The following WDFY1 variants were observed in gnomAD, a reference collection of about 807,000 sequenced individuals.
WDFY1 encodes the protein WD repeat and FYVE domain containing 1.
Under a neutral mutation model 56.4 loss-of-function variants are expected in WDFY1, and 32 were observed. The observed-to-expected ratio is 0.57, with a 90% CI of 0.43 to 0.76. The LOEUF is 0.76. WDFY1 is among the 30% of genes least tolerant of loss of function. The pLI is 0.00. For synonymous variants in WDFY1, 192 were observed against 197.3 expected (o/e 0.97, Z 0.23); for missense variants, 480 against 545.7 (o/e 0.88, Z 1.20).
chr2:223,881,018 G>T (rs949010088), intron 10 of WDFY1, among the ~76,000 whole-genome samples: 1 of 152,144 alleles, frequency 6.6e-6, no homozygotes, highest in Admixed American at 6.5e-5. Flanking sequence ...TTCCAATGTG[G>T]ACCTCTGCCA....
chr2:223,918,692 G>A (rs749946819), intron 1 of WDFY1, among the ~76,000 whole-genome samples: 3 of 152,056 alleles, frequency 2.0e-5, no homozygotes, highest in South Asian at 2.1e-4. Flanking sequence ...AAACAGAACT[G>A]TTAACTGCTT....
intron 3 of WDFY1, 51 bp downstream of exon 3, chr2:223,912,202 T>A (rs1229341995): frequency 5.2e-6 from 8 of 1,536,372 alleles, no homozygotes; most frequent in Non-Finnish European, 7.0e-6. Context: ...GAGGTCAATA[T>A]AAAGAATATA....
chr2:223,935,288 ATTTC>A (rs1694150815), intron 1 of WDFY1, among the ~76,000 whole-genome samples: 1 of 152,230 alleles, frequency 6.6e-6, no homozygotes. Context: ...TTTACTTAAA[ATTTC>A]TTTGACGGTG....
At chr2:223,925,245 GATT>G (rs1693958958) in intron 1 of WDFY1, among the ~76,000 whole-genome samples, 3 of 148,410 alleles carry the variant, frequency 2.0e-5, no homozygotes, top group African/African-American at 7.4e-5. Context: ...ATAACACAGA[GATT>G]ATTATAACCC....
In WDFY1 at chr2:223,901,592, G is replaced by A. The variant is rs571590571; in HGVS notation, c.335-259C>T. Among the ~76,000 whole-genome samples the A allele has an allele frequency of 3.3e-5, 5 of 151,800 alleles. No homozygotes were observed. In the East Asian group the frequency reaches 7.7e-4, roughly 23 times the overall value. ...AAGCTAGGAATCATTAAAGAGTAAC[G>A]CTCAAGGAGAAATCAAATAATAGAT... On this transcript the variant is annotated intron_variant, in intron 4 of 11. Transcript: ENST00000233055.
chr2:223,890,985 A>C (rs1693264627), intron 8 of WDFY1, among the ~76,000 whole-genome samples: 1 of 152,182 alleles, frequency 6.6e-6, no homozygotes, highest in Admixed American at 6.5e-5. Flanking sequence ...TGCTCCAGTT[A>C]GTATTGACAG....
At chr2:223,902,098 A>G (rs1693516837) in intron 4 of WDFY1, among the ~76,000 whole-genome samples, 1 of 152,222 alleles carries the variant, frequency 6.6e-6, no homozygotes, top group Non-Finnish European at 1.5e-5. Context: ...AAGGCCTGAC[A>G]GAGAAACTGC....
At chr2:223,926,943 C>T (rs972724175) in intron 1 of WDFY1, among the ~76,000 whole-genome samples, 1 of 152,186 alleles carries the variant, frequency 6.6e-6, no homozygotes, top group Non-Finnish European at 1.5e-5. Context: ...GCTGGTATTA[C>T]AGGTGTCAGC....
At chr2:223,930,094 C>T (rs1694049095) in intron 1 of WDFY1, among the ~76,000 whole-genome samples, 1 of 152,158 alleles carries the variant, frequency 6.6e-6, no homozygotes, top group Non-Finnish European at 1.5e-5. Context: ...TCACTTGGTT[C>T]AAAGAAATAC....
intron 1 of WDFY1, among the ~76,000 whole-genome samples, chr2:223,919,650 G>A (rs1693856941): frequency 6.6e-6 from 1 of 152,180 alleles, no homozygotes; most frequent in Admixed American, 6.5e-5. Context: ...GCTGGTATTA[G>A]AGGCATGAGC....
At chr2:223,884,859 C>CTTAT in intron 8 of WDFY1, 110 bp from the exon 9 acceptor site, 19 of 689,244 alleles carry the variant, frequency 2.8e-5, no homozygotes, top group Middle Eastern at 4.7e-4. Flanking sequence ...TTCTTTTCTT[C>CTTAT]TTTTTTTTTT....
rs1263818187 is a variant in WDFY1, at chr2:223,896,176, A to AAAAAAC, written c.599-547_599-546insGTTTTT. Among the ~76,000 whole-genome samples, 40 of 146,678 alleles carry AAAAAAC rather than the reference A, an allele frequency of 2.7e-4. 1 individual carries two copies. Among genetic ancestry groups the AAAAAAC allele is most frequent in the African/African-American group, 9.2e-4 (35 of 38,204 alleles). On this transcript the variant is annotated intron_variant, in intron 6 of 11. Transcript: ENST00000233055. ...GTCTCAAAAAAAAAAAAAAAAAAAA[A>AAAAAAC]AAAAAAACTGCTTGTAATACAAAGA...
chr2:223,884,443 C>T (rs778446968), intron 9 of WDFY1, among the ~76,000 whole-genome samples: 1 of 152,092 alleles, frequency 6.6e-6, no homozygotes, highest in Non-Finnish European at 1.5e-5. Flanking sequence ...CAATACAGGA[C>T]AAGCAATGGA....
At chr2:223,895,423 A>G (rs1693347906) in intron 7 of WDFY1, 81 bp downstream of exon 7, 5 of 1,597,446 alleles carry the variant, frequency 3.1e-6, no homozygotes, top group East Asian at 2.2e-5. Flanking sequence ...GTTTGCAGAA[A>G]GTGGTATCAG....
At position 223,921,597 on chromosome 2, in the gene WDFY1, AT is replaced by A. The variant is rs112123098; in HGVS notation, c.138-3588del. ...ATAGATATTTGAGGATATTTTAAAGATTTTTTTTTTTTTGACAGGGTTTCGC... is the reference window on the plus strand; with the variant it reads ...ATAGATATTTGAGGATATTTTAAAGATTTTTTTTTTTTGACAGGGTTTCGC... On this transcript the variant is annotated intron_variant, in intron 1 of 11. Transcript: ENST00000233055. Among the ~76,000 whole-genome samples the A allele has an allele frequency of 2.0e-3, 300 of 146,588 alleles. 1 individual carries two copies. The highest frequency in any genetic ancestry group is 2.3e-3 in the African/African-American group (94 of 40,300).
intron 10 of WDFY1, among the ~76,000 whole-genome samples, chr2:223,881,601 C>T (rs558325517): frequency 2.0e-5 from 3 of 152,170 alleles, no homozygotes; most frequent in African/African-American, 7.2e-5. Context: ...ACCAGCCTGG[C>T]CAACATGGTG....
chr2:223,881,861 C>T, intron 10 of WDFY1, 81 bp downstream of exon 10: 2 of 1,547,894 alleles, frequency 1.3e-6, no homozygotes, highest in South Asian at 1.2e-5. Context: ...TATCCTATCA[C>T]TTCTGAAGCT....
chr2:223,916,414 A>T (rs1381252414), intron 2 of WDFY1, among the ~76,000 whole-genome samples: 2 of 152,230 alleles, frequency 1.3e-5, no homozygotes, highest in East Asian at 3.8e-4. Flanking sequence ...TTAAGAAAGC[A>T]GTGGACAGCA....
At position 223,912,263 on chromosome 2, in the gene WDFY1, C is replaced by T. The variant is rs1357402438; in HGVS notation, c.269G>A (p.Gly90Glu). ...CTAAAAGCTACCTACCATTACAGCT[C>T]CATTATCCTGGCCCACAAATATCCG... ...SRRIFVGQDN[G>E]AVMEFHVSED... The change falls in exon 3 of 12, where the codon GGA becomes GAA. Residue 90 changes from glycine (G) to glutamate (E), a missense_variant. Gly to Glu is a moderately conservative substitution (Grantham distance 98, BLOSUM62 -2). Transcript: ENST00000233055. 1 of 1,609,822 alleles carries T rather than the reference C, an allele frequency of 6.2e-7. No individual in the cohort carries two copies. Among genetic ancestry groups the T allele is most frequent in the Admixed American group, 1.7e-5 (1 of 58,898 alleles).
Sources: allele counts gnomAD v4.1 joint callset (sites outside exome capture counted in the v4.1 genomes callset), GRCh38; gene constraint gnomAD v4.1.1; transcripts MANE v1.5; gene names NCBI Gene and HGNC (gene_info 2026-07-23, HGNC 2026-07-21).